Variants in COG4 observed in about 807,000 individuals in gnomAD.
The protein encoded by COG4 is conserved oligomeric Golgi complex subunit 4.
In COG4, 65 loss-of-function variants were observed where a neutral mutation model predicts 95.1. That is an observed-to-expected ratio of 0.68 (90% CI 0.56 to 0.84). The LOEUF (loss-of-function observed/expected upper bound fraction) is 0.84. Ranked by LOEUF, COG4 falls within the 40% of genes least tolerant of loss-of-function variation. The pLI is 0.00. For missense variants in COG4, 1,045 were observed against 989.1 expected (o/e 1.06, Z -0.76); for synonymous variants, 421 against 374.8 (o/e 1.12, Z -1.42).
chr16:70,481,520 G>A (rs747895448), intron 17 of COG4, 33 bp from the exon 18 acceptor site: 178 of 1,609,782 alleles, frequency 1.1e-4, no homozygotes, highest in Non-Finnish European at 1.5e-4. Context: ...TCACTACTTA[G>A]GCCTGGCCAA....
rs377359303 is a variant in COG4 at position 70,522,217 on chromosome 16, A to C, written c.171+1156T>G. Among the ~76,000 whole-genome samples the C allele has an allele frequency of 6.7e-5, 10 of 149,190 alleles. 1 individual carries two copies. The East Asian group carries it at 2.0e-3, about 30-fold the overall frequency. ...CACCATTTTGGTCATGCTGGTCTCG[A>C]ACTCCTGACTCAGGTGATCCTCCCG... On this transcript the variant is annotated intron_variant, in intron 1 of 18. Coordinates refer to ENST00000323786, the MANE Select transcript of COG4 (RefSeq NM_015386.3).
In COG4 at chr16:70,490,335, G is replaced by C. The variant is rs2049218889; in HGVS notation, c.1705C>G (p.Leu569Val). ...ATAGGCAATTTCCCTCGTACCTCCA[G>C]TGTCTTCTTCAGAGTGGAGATGTTT... ...SENISTLKKT[L>V]ESDCTKLFSQ... Residue 569 changes from leucine (L) to valine (V), a missense_variant, in exon 13 of 19, where the codon CTG (leucine) becomes GTG (valine). Leu to Val is a conservative substitution (Grantham distance 32). Coordinates refer to ENST00000323786, the MANE Select transcript of COG4 (RefSeq NM_015386.3). The C allele has an allele frequency of 6.2e-7, 1 of 1,613,274 alleles. No individual in the cohort carries two copies. The highest frequency in any genetic ancestry group is 1.3e-5 in the African/African-American group (1 of 74,922).
chr16:70,489,177 T>C (rs2049193813), intron 13 of COG4, among the ~76,000 whole-genome samples: 1 of 152,170 alleles, frequency 6.6e-6, no homozygotes, highest in Non-Finnish European at 1.5e-5. Context: ...TCTCCTACAT[T>C]TATACAGGGA....
At chr16:70,489,522 C>T (rs1405660206) in intron 13 of COG4, among the ~76,000 whole-genome samples, 4 of 148,600 alleles carry the variant, frequency 2.7e-5, no homozygotes, top group African/African-American at 7.6e-5. Flanking sequence ...TGGCCTTGAT[C>T]CTGATTTAAA....
Position 70,501,036 on chromosome 16 carries a change from A to G in COG4, c.1117T>C (p.Tyr373His), listed in dbSNP as rs766024346. ...ATCCTCTTCTTGAGGAAGCGTAAGT[A>G]TAGCTCACTGCGGGCATTCATCAGG... ...VTLMNARSEL[Y>H]LRFLKKRISS... The change falls in exon 9 of 19, where the codon TAC (tyrosine) becomes CAC (histidine). Residue 373 changes from tyrosine to histidine, a missense_variant. Physicochemically the swap from Tyr to His is moderately conservative, Grantham distance 83. Coordinates refer to ENST00000323786, the MANE Select transcript of COG4 (RefSeq NM_015386.3). 4 of 1,614,052 alleles carry G rather than the reference A, an allele frequency of 2.5e-6. No homozygotes were observed. Among genetic ancestry groups the G allele is most frequent in the Non-Finnish European group, 3.4e-6 (4 of 1,179,980 alleles).
chr16:70,481,246 G>A (rs955045123), intron 18 of COG4, 102 bp from the exon 19 acceptor site: 4 of 1,606,836 alleles, frequency 2.5e-6, no homozygotes, highest in Non-Finnish European at 3.4e-6. Flanking sequence ...GGAAGGGGAA[G>A]GTGTCCTATA....
intron 7 of COG4, chr16:70,508,843 T>C (rs1421879957): frequency 1.9e-6 from 1 of 534,326 alleles, no homozygotes; most frequent in South Asian, 1.5e-5. Flanking sequence ...GCAAACGTTA[T>C]CTTTAACATC....
chr16:70,516,301 A>ATTT (rs530207617), intron 3 of COG4, among the ~76,000 whole-genome samples: 44 of 143,860 alleles, frequency 3.1e-4, no homozygotes, highest in African/African-American at 1.0e-3. Flanking sequence ...GTTGAGTTAA[A>ATTT]TTTTTTTTTT....
intron 7 of COG4, 42 bp from the exon 8 acceptor site, chr16:70,508,506 C>A (rs377708120): frequency 1.2e-5 from 19 of 1,556,230 alleles, no homozygotes; most frequent in Non-Finnish European, 1.7e-5. Flanking sequence ...TCCCCACCCC[C>A]ACATCTATTG....
chr16:70,520,718 A>C (rs2049924476), intron 1 of COG4, among the ~76,000 whole-genome samples: 1 of 152,276 alleles, frequency 6.6e-6, no homozygotes, highest in East Asian at 1.9e-4. Context: ...ACAGTTACCA[A>C]AATTTTTCTT....
At chr16:70,499,835 T>A (rs561738956) in intron 9 of COG4, among the ~76,000 whole-genome samples, 1 of 152,102 alleles carries the variant, frequency 6.6e-6, no homozygotes, top group Non-Finnish European at 1.5e-5. Flanking sequence ...AATTTTTTTG[T>A]ATTTTTAGTA....
intron 12 of COG4, among the ~76,000 whole-genome samples, chr16:70,493,995 AG>A (rs1178753787): frequency 6.6e-6 from 1 of 152,190 alleles, no homozygotes; most frequent in African/African-American, 2.4e-5. Context: ...GGCTGTGATT[AG>A]GAAGTCCCTC....
At position 70,523,492 on chromosome 16, in the gene COG4, G is replaced by A. The variant is rs1241510999; in HGVS notation, c.52C>T (p.Gln18Ter). 4 of 1,614,048 alleles carry A rather than the reference G, an allele frequency of 2.5e-6. No individual in the cohort carries two copies. In the Admixed American group the frequency reaches 5.0e-5, roughly 20 times the overall value. Reference protein sequence around the residue: ...LDSPPKLSGVQQPSEGVGGGR... With the variant: ...LDSPPKLSGV The stretch of plus-strand genomic sequence containing the variant: ...CCTCCCACCCCCTCAGACGGCTGCT[G>A]CACCCCTGACAGCTTCGGAGGCGAA... Residue 18 changes from glutamine (Q) to a stop codon, truncating the protein, a stop_gained, in exon 1 of 19, where the codon CAG becomes TAG. Transcript: ENST00000323786. LOFTEE classifies it high-confidence loss of function.
chr16:70,517,587 CAAAAAAAAAAAAAAAA>C (rs746781437), intron 3 of COG4, 23 bp downstream of exon 3: 1 of 506,188 alleles, frequency 2.0e-6, no homozygotes, highest in African/African-American at 3.9e-5. Context: ...GACCCTGTCT[CAAAAAAAAAAAAAAAA>C]AAAAAAAAGC....
intron 3 of COG4, chr16:70,516,080 T>C (rs2049816667): frequency 2.2e-6 from 1 of 455,896 alleles, no homozygotes; most frequent in Non-Finnish European, 4.4e-6. Flanking sequence ...AATGTTTTCT[T>C]CTGAGTCTAT....
intron 8 of COG4, among the ~76,000 whole-genome samples, chr16:70,504,565 C>T (rs1484182937): frequency 6.7e-6 from 1 of 149,870 alleles, no homozygotes; most frequent in East Asian, 1.9e-4. Context: ...CAAAATTGAG[C>T]CACTGCACTC....
intron 8 of COG4, among the ~76,000 whole-genome samples, chr16:70,502,701 A>C (rs1213753708): frequency 6.6e-6 from 1 of 152,224 alleles, no homozygotes; most frequent in African/African-American, 2.4e-5. Flanking sequence ...AAACTGCCCT[A>C]CACCCATTCA....
intron 9 of COG4, among the ~76,000 whole-genome samples, chr16:70,498,780 T>C (rs1445456946): frequency 6.6e-6 from 1 of 152,214 alleles, no homozygotes; most frequent in Non-Finnish European, 1.5e-5. Flanking sequence ...TGAAAAACTT[T>C]TTACTCCTTT....
chr16:70,509,140 T>G, intron 7 of COG4, 91 bp downstream of exon 7: 1 of 1,528,828 alleles, frequency 6.5e-7, no homozygotes, highest in South Asian at 1.1e-5. Flanking sequence ...CTGCACCTTT[T>G]TTTTCACTTT....
Sources: allele counts gnomAD v4.1 joint callset (sites outside exome capture counted in the v4.1 genomes callset), GRCh38; gene constraint gnomAD v4.1.1; transcripts MANE v1.5; gene names NCBI Gene and HGNC (gene_info 2026-07-23, HGNC 2026-07-21).